The following WDR62 variants were observed in gnomAD, a reference collection of about 807,000 sequenced individuals.
WDR62 encodes the protein WD repeat-containing protein 62.
In WDR62, 112 loss-of-function variants were observed where a neutral mutation model predicts 160.6. The ratio of observed to expected loss-of-function variants is 0.70; its 90% CI spans 0.60 to 0.82. WDR62 has a LOEUF of 0.82. Among genes scored for constraint, WDR62 ranks in the 40% least tolerant of loss-of-function variants. The pLI is 0.00. For missense variants in WDR62, 1,819 were observed against 1,983.8 expected (o/e 0.92, Z 1.58); for synonymous variants, 792 against 815.1 (o/e 0.97, Z 0.48).
In WDR62 at chr19:36,063,974, C is replaced by G. The variant is rs74720188; in HGVS notation, c.333-1984C>G. 6.7e-3 allele frequency among the ~76,000 whole-genome samples: 1,026 copies of G among 152,360 alleles called. 6 individuals are homozygous for G. Among genetic ancestry groups the G allele is most frequent in the Non-Finnish European group, 0.012 (812 of 68,040 alleles). On this transcript the variant is annotated intron_variant, in intron 3 of 31. Transcript: ENST00000401500. ...CTGGCTTAGAGGTCAGGGCTCTGCC[C>G]TGTCTGGTTAGGTAACTGCAGGCAG...
At chr19:36,066,517 A>G in intron 5 of WDR62, 90 bp downstream of exon 5, 4 of 1,436,790 alleles carry the variant, frequency 2.8e-6, no homozygotes, top group East Asian at 2.5e-5. Context: ...GAGAGGACGC[A>G]GTAAAGTGCT....
intron 3 of WDR62, among the ~76,000 whole-genome samples, chr19:36,064,408 T>G (rs1002219302): frequency 8.2e-5 from 12 of 147,032 alleles, no homozygotes; most frequent in African/African-American, 3.0e-4. Flanking sequence ...CCCAAGTAGC[T>G]GGGACTACAG....
In WDR62 at chr19:36,102,631, G is replaced by A. The variant is rs1309001387; in HGVS notation, c.3221-106G>A. The A allele has an allele frequency of 2.4e-5, 22 of 918,674 alleles. 1 individual carries two copies. The East Asian group carries it at 5.7e-4, about 24-fold the overall frequency. 56.9% of individuals were successfully genotyped at this position (918,674 alleles called of 1,614,324 possible). A position where few individuals can be genotyped will look rare whatever the true frequency, so the allele number is the denominator to read the frequency against. On this transcript the variant is annotated intron_variant, in intron 26 of 31. Transcript: ENST00000401500. ...CTGCCCCTGCTCGTACCCTGTGTCT[G>A]TACATAAGGGTTTCTGGGGAGTGCC...
At chr19:36,083,853 C>T (rs1039398960) in intron 11 of WDR62, among the ~76,000 whole-genome samples, 12 of 152,292 alleles carry the variant, frequency 7.9e-5, no homozygotes, top group Admixed American at 2.0e-4. Context: ...GAGTAGGCTA[C>T]AAGTTTTCAA....
chr19:36,071,388 A>G (rs1971289285), intron 7 of WDR62, among the ~76,000 whole-genome samples, 168 bp from the exon 8 acceptor site: 1 of 152,124 alleles, frequency 6.6e-6, no homozygotes, highest in African/African-American at 2.4e-5. Context: ...TAGCAGCAGT[A>G]TGCTATATCC....
At chr19:36,074,862 A>G (rs1599777498) in intron 9 of WDR62, among the ~76,000 whole-genome samples, 4 of 152,180 alleles carry the variant, frequency 2.6e-5, no homozygotes, top group Admixed American at 2.0e-4. Flanking sequence ...CCCTGCCCCC[A>G]GTTCTGCTCT....
intron 1 of WDR62, among the ~76,000 whole-genome samples, chr19:36,057,058 G>A (rs1970409576): frequency 1.3e-5 from 2 of 152,072 alleles, no homozygotes; most frequent in South Asian, 4.1e-4. Flanking sequence ...CAAGCGATCT[G>A]CCTGCCTCGG....
chr19:36,068,991 C>G (rs1971107106), intron 7 of WDR62, among the ~76,000 whole-genome samples: 1 of 150,246 alleles, frequency 6.7e-6, no homozygotes, highest in South Asian at 2.1e-4. Context: ...GGCGGACCCC[C>G]ACCTCCCTCC....
chr19:36,099,354 G>A lies in WDR62; in HGVS notation c.2521-45G>A, dbSNP rs775124325. 6 of 1,540,488 alleles carry A rather than the reference G, an allele frequency of 3.9e-6. No homozygotes were observed. The South Asian group carries it at 5.6e-5, about 14-fold the overall frequency. ...AAATGTCCGTGTCGCTCCCTGCAGT[G>A]AGTGAGCACTCAGCCAGTTGCCTGA... On this transcript the variant is annotated intron_variant, in intron 21 of 31. Coordinates refer to ENST00000401500, the MANE Select transcript of WDR62 (RefSeq NM_001083961.2).
rs17851502 is a variant in WDR62 at position 36,103,161 on chromosome 19, C to T, written c.3468C>T (p.Leu1156=). 0.11 allele frequency: 172,433 copies of T among 1,613,930 alleles called. 10,318 individuals are homozygous for T. Among genetic ancestry groups the T allele is most frequent in the African/African-American group, 0.23 (16,897 of 74,996 alleles). The stretch of plus-strand genomic sequence containing the variant: ...CCTCAGAGCTGTGCCTGCAGGTCCT[C>T]GCTGCAGGGAAGGCTGAAGAGACCC... The part of the protein sequence containing the change: ...GYASPDRTHV[L]AAGKAEETLE... Residue 1156 remains leucine (L), a synonymous_variant, in exon 29 of 32, where the codon CTC becomes CTT. Coordinates refer to ENST00000401500, the MANE Select transcript of WDR62 (RefSeq NM_001083961.2).
At chr19:36,065,651 G>A (rs2145575103) in intron 3 of WDR62, among the ~76,000 whole-genome samples, 1 of 152,332 alleles carries the variant, frequency 6.6e-6, no homozygotes, top group African/African-American at 2.4e-5. Context: ...GTTACAGGGT[G>A]GATAGGGTCT....
At chr19:36,084,389 G>A (rs1972079967) in intron 11 of WDR62, among the ~76,000 whole-genome samples, 1 of 152,088 alleles carries the variant, frequency 6.6e-6, no homozygotes, top group African/African-American at 2.4e-5. Context: ...TGCCCCCCTA[G>A]AAGACTGTCC....
intron 21 of WDR62, among the ~76,000 whole-genome samples, chr19:36,098,808 A>G (rs1382968543): frequency 6.6e-6 from 1 of 152,176 alleles, no homozygotes; most frequent in East Asian, 1.9e-4. Flanking sequence ...AGTTTCAGAG[A>G]AAAGTTCATG....
intron 10 of WDR62, chr19:36,081,933 A>G: frequency 2.1e-6 from 1 of 470,118 alleles, no homozygotes; most frequent in Non-Finnish European, 4.2e-6. Flanking sequence ...CAGCTGCCAC[A>G]CAGTGAGGCC....
rs1254648636 is a variant in WDR62 at position 36,092,730 on chromosome 19, G to T, written c.2252G>T (p.Cys751Phe). Residue 751 changes from cysteine to phenylalanine, a missense_variant, in exon 19 of 32, where the codon TGC (cysteine) becomes TTC (phenylalanine). Coordinates refer to ENST00000401500, the MANE Select transcript of WDR62 (RefSeq NM_001083961.2). ...IWHLGPEITN[C>F]MKQHLLEIDH... The stretch of plus-strand genomic sequence containing the variant: ...CACCTGGGCCCGGAGATCACCAACT[G>T]CATGAAGCAGCACTTGCTGGAGATT... The T allele has an allele frequency of 2.5e-6, 4 of 1,614,178 alleles. No individual in the cohort carries two copies. In the Admixed American group the frequency reaches 6.7e-5, roughly 27 times the overall value.
At chr19:36,071,279 A>G (rs1479174576) in intron 7 of WDR62, among the ~76,000 whole-genome samples, 1 of 152,210 alleles carries the variant, frequency 6.6e-6, no homozygotes, top group Non-Finnish European at 1.5e-5. Flanking sequence ...AGTCTGCTGA[A>G]CAGGTATTTT....
In WDR62 at chr19:36,083,153, C is replaced by T. The variant is rs769676295; in HGVS notation, c.1462C>T (p.Pro488Ser). 34 of 1,613,420 alleles carry T rather than the reference C, an allele frequency of 2.1e-5. No individual in the cohort carries two copies. The East Asian group carries it at 6.5e-4, about 31-fold the overall frequency. The part of the protein sequence containing the change: ...FPDRGSENGT[P>S]MDVKAGVRVM... ...AGACCGGGGGAGCGAGAATGGGACA[C>T]CCATGGACGTGAAAGCCGGGGTGCG... is the stretch of plus-strand genomic sequence containing the variant. Residue 488 changes from proline to serine, a missense_variant, in exon 11 of 32, where the codon CCC becomes TCC. Coordinates refer to ENST00000401500, the MANE Select transcript of WDR62 (RefSeq NM_001083961.2).
chr19:36,106,958 A>G (rs916085544), downstream of WDR62, among the ~76,000 whole-genome samples: 28 of 152,078 alleles, frequency 1.8e-4, no homozygotes, highest in African/African-American at 4.6e-4. Context: ...CCATTGCCCA[A>G]AACCTTGCCC....
At chr19:36,098,482 T>C (rs1973111763) in intron 21 of WDR62, among the ~76,000 whole-genome samples, 1 of 151,530 alleles carries the variant, frequency 6.6e-6, no homozygotes, top group Non-Finnish European at 1.5e-5. Context: ...GGAGAATCAC[T>C]TGAACCCAGG....
Sources: allele counts gnomAD v4.1 joint callset (sites outside exome capture counted in the v4.1 genomes callset), GRCh38; gene constraint gnomAD v4.1.1; transcripts MANE v1.5; gene names NCBI Gene and HGNC (gene_info 2026-07-23, HGNC 2026-07-21).